The following PDE1A variants were observed in gnomAD, a reference collection of about 807,000 sequenced individuals.
PDE1A encodes phosphodiesterase 1A.
In PDE1A, 35 loss-of-function variants were observed where a neutral mutation model predicts 61.7. The ratio of observed to expected loss-of-function variants is 0.57; its 90% confidence interval spans 0.43 to 0.75. PDE1A has a LOEUF of 0.75. PDE1A is among the 30% of genes least tolerant of loss of function. PDE1A has a pLI of 0.00. For missense variants in PDE1A, 597 were observed against 630.6 expected, an observed-to-expected ratio of 0.95 and a Z score of 0.57; for synonymous variants, 232 against 213.2, an observed-to-expected ratio of 1.09 and a Z score of -0.77.
intron 7 of PDE1A, among the ~76,000 whole-genome samples, chr2:182,218,122 A>T (rs1233618745): frequency 6.6e-6 from 1 of 150,556 alleles, no homozygotes; most frequent in Non-Finnish European, 1.5e-5. Context: ...CTTTGTAGGG[A>T]CATGGATGAA....
chr2:182,458,284 T>TAA (rs199674401), intron 2 of PDE1A, among the ~76,000 whole-genome samples: 1 of 151,840 alleles, frequency 6.6e-6, no homozygotes, highest in East Asian at 1.9e-4. Context: ...GCATTCATAA[T>TAA]AAAAAAACAA....
At chr2:182,365,602 C>T (rs182339548) in intron 1 of PDE1A, among the ~76,000 whole-genome samples, 1 of 151,914 alleles carries the variant, frequency 6.6e-6, no homozygotes, top group Admixed American at 6.6e-5. Flanking sequence ...TCCTTCTTTC[C>T]TTATTTCTAT....
chr2:182,212,389 T>C (rs1304340939), intron 7 of PDE1A, among the ~76,000 whole-genome samples: 1 of 152,168 alleles, frequency 6.6e-6, no homozygotes, highest in African/African-American at 2.4e-5. Flanking sequence ...GGCAATCTTT[T>C]AGAATACAAT....
At chr2:182,198,558 T>C (rs576153432) in intron 10 of PDE1A, among the ~76,000 whole-genome samples, 401 of 151,958 alleles carry the variant, frequency 2.6e-3, no homozygotes, top group Middle Eastern at 6.8e-3. Context: ...CTGTCGAATA[T>C]TGTCAAATGC....
the PDE1A span, among the ~76,000 whole-genome samples, chr2:182,703,661 C>T: frequency 1.3e-5 from 2 of 152,352 alleles, no homozygotes; most frequent in South Asian, 2.1e-4. Flanking sequence ...GGAATCCCAA[C>T]TCTGCCAATT....
intron 2 of PDE1A, among the ~76,000 whole-genome samples, chr2:182,474,529 C>T (rs1687235341): frequency 6.6e-6 from 1 of 151,844 alleles, no homozygotes; most frequent in Admixed American, 6.6e-5. Context: ...CCTCTGAACC[C>T]TGGTATTTTT....
intron 2 of PDE1A, chr2:182,463,608 T>A (rs1305481654): frequency 6.6e-6 from 1 of 152,214 alleles, no homozygotes; most frequent in African/African-American, 2.4e-5. Context: ...TTTTATTTTC[T>A]TCTGTCAAGA....
chr2:182,699,011 G>A, the PDE1A span, among the ~76,000 whole-genome samples: 1 of 152,302 alleles, frequency 6.6e-6, no homozygotes, highest in East Asian at 1.9e-4. Context: ...GGATCAGGCA[G>A]TAACACTGTT....
the PDE1A span, among the ~76,000 whole-genome samples, chr2:182,643,961 G>A: frequency 6.6e-6 from 1 of 152,040 alleles, no homozygotes; most frequent in Non-Finnish European, 1.5e-5. Context: ...TCTTTGTTTA[G>A]CTTATGATGG....
intron 1 of PDE1A, among the ~76,000 whole-genome samples, chr2:182,265,769 G>A (rs559518461): frequency 3.9e-5 from 6 of 152,166 alleles, no homozygotes; most frequent in African/African-American, 1.2e-4. Context: ...AGTACAAAAG[G>A]AACATATTCC....
Position 182,219,606 on chromosome 2 carries a change from T to C in PDE1A, c.776+4258A>G, listed in dbSNP as rs1433812144. ...CACTTACCCAACACCGAGGCTTCTC[T>C]CACTCTCCTATCTCCTGGTAGATAC... On this transcript the variant is annotated intron_variant, in intron 7 of 13. Transcript: ENST00000351439. Among the ~76,000 whole-genome samples the C allele has an allele frequency of 3.3e-5, 5 of 152,138 alleles. No individual in the cohort carries two copies. In the East Asian group the frequency reaches 9.6e-4, roughly 29 times the overall value.
At chr2:182,241,542 A>T (rs1202374001) in intron 2 of PDE1A, among the ~76,000 whole-genome samples, 1 of 152,234 alleles carries the variant, frequency 6.6e-6, no homozygotes, top group African/African-American at 2.4e-5. Context: ...ATCTGACTAA[A>T]GAGAGGCTCA....
intron 1 of PDE1A, among the ~76,000 whole-genome samples, chr2:182,420,743 C>T (rs1040568675): frequency 1.3e-5 from 2 of 152,112 alleles, no homozygotes; most frequent in Admixed American, 6.5e-5. Flanking sequence ...CATAACAAAA[C>T]GTAAGACTTC....
chr2:182,223,215 C>A (rs1040471246), intron 7 of PDE1A, among the ~76,000 whole-genome samples: 1 of 151,940 alleles, frequency 6.6e-6, no homozygotes. Context: ...TCAAGAAGAG[C>A]AACCTCAGAG....
At chr2:182,682,395 G>A in the PDE1A span, among the ~76,000 whole-genome samples, 1 of 152,188 alleles carries the variant, frequency 6.6e-6, no homozygotes, top group Admixed American at 6.5e-5. Flanking sequence ...AGGAAGAAAT[G>A]TTGCTCAACA....
the PDE1A span, among the ~76,000 whole-genome samples, chr2:182,538,453 T>C: frequency 2.6e-5 from 4 of 152,348 alleles, no homozygotes; most frequent in East Asian, 7.7e-4. Flanking sequence ...TATGAAAAGA[T>C]ATTGGCATGC....
intron 1 of PDE1A, among the ~76,000 whole-genome samples, chr2:182,395,401 C>T (rs1701647194): frequency 6.6e-6 from 1 of 152,194 alleles, no homozygotes; most frequent in African/African-American, 2.4e-5. Flanking sequence ...ATTGGTGAGA[C>T]ATTTGTGTGC....
intron 1 of PDE1A, among the ~76,000 whole-genome samples, chr2:182,395,243 G>A (rs761194968): frequency 6.6e-6 from 1 of 152,200 alleles, no homozygotes; most frequent in Non-Finnish European, 1.5e-5. Flanking sequence ...TACCTCAGGG[G>A]TATGTCAACT....
At chr2:182,342,639 C>T (rs1000095721) in intron 1 of PDE1A, among the ~76,000 whole-genome samples, 10 of 152,130 alleles carry the variant, frequency 6.6e-5, no homozygotes, top group Admixed American at 3.9e-4. Context: ...GCTGAGATCG[C>T]GCCACTGCAC....
Sources: gnomAD v4.1 joint callset for allele counts (sites outside exome capture counted in the v4.1 genomes callset) on GRCh38, gnomAD v4.1.1 for gene constraint, MANE v1.5 for transcripts, NCBI Gene and HGNC (gene_info 2026-07-23, HGNC 2026-07-21) for gene names.